Variants in TTC39B observed in about 807,000 individuals in gnomAD.
TTC39B encodes the protein tetratricopeptide repeat domain 39B, also known as tetratricopeptide repeat protein 39B.
Under a neutral mutation model 96.6 loss-of-function variants are expected in TTC39B, and 92 were observed. The observed-to-expected ratio is 0.95, with a 90% CI of 0.80 to 1.13. TTC39B has a LOEUF of 1.13. TTC39B is among the 50% of genes most tolerant of loss of function. The pLI is 0.00. For missense variants in TTC39B, 955 were observed against 809.3 expected, an observed-to-expected ratio of 1.18 and a Z score of -2.18; for synonymous variants, 367 against 299.4, an observed-to-expected ratio of 1.23 and a Z score of -2.33.
chr9:15,231,114 G>A (rs1426710541), intron 2 of TTC39B, among the ~76,000 whole-genome samples: 1 of 152,114 alleles, frequency 6.6e-6, no homozygotes, highest in African/African-American at 2.4e-5. Context: ...GTAACTTTAT[G>A]TTTGACATTT....
At chr9:15,267,045 C>G (rs1297767154) in intron 2 of TTC39B, among the ~76,000 whole-genome samples, 2 of 152,194 alleles carry the variant, frequency 1.3e-5, no homozygotes, top group African/African-American at 4.8e-5. Flanking sequence ...TGCCACTGCA[C>G]TCCAACCTGG....
chr9:15,289,187 G>T (rs187133809), intron 1 of TTC39B, among the ~76,000 whole-genome samples: 1 of 152,266 alleles, frequency 6.6e-6, no homozygotes, highest in East Asian at 1.9e-4. Flanking sequence ...ACATTTACCA[G>T]TGTTGGTATT....
intron 2 of TTC39B, among the ~76,000 whole-genome samples, chr9:15,254,872 CT>C (rs34040951): frequency 0.1 from 14,458 of 141,974 alleles, 1,027 homozygotes; most frequent in African/African-American, 0.21. Flanking sequence ...AACACACACA[CT>C]TTTTTTTTTT....
Position 15,210,075 on chromosome 9 carries a change from A to C in TTC39B, c.691+13T>G. The C allele has an allele frequency of 6.3e-7, 1 of 1,576,680 alleles. No individual in the cohort carries two copies. Among genetic ancestry groups the C allele is most frequent in the Non-Finnish European group, 8.6e-7 (1 of 1,158,642 alleles). On this transcript the variant is annotated intron_variant, in intron 6 of 19. Coordinates refer to ENST00000512701, the Ensembl canonical transcript of TTC39B. Reference sequence around the variant, plus strand: ...AAATCAAGGAAAAAAGTGATCTTTTAAATGACTTTTACCTTCACTCAGTTG... The same window carrying C: ...AAATCAAGGAAAAAAGTGATCTTTTCAATGACTTTTACCTTCACTCAGTTG...
intron 3 of TTC39B, among the ~76,000 whole-genome samples, chr9:15,214,564 G>T (rs533868432): frequency 3.3e-4 from 50 of 152,164 alleles, no homozygotes; most frequent in African/African-American, 1.1e-3. Flanking sequence ...TTGTCTATAG[G>T]CATGTTAATT....
chr9:15,206,663 GC>G (rs1196069375), intron 6 of TTC39B, among the ~76,000 whole-genome samples: 1 of 151,946 alleles, frequency 6.6e-6, no homozygotes, highest in African/African-American at 2.4e-5. Flanking sequence ...AATAAACTTA[GC>G]TAAATAAGCT....
intron 14 of TTC39B, 62 bp from the exon 15 acceptor site, chr9:15,187,097 A>T: frequency 8.0e-7 from 1 of 1,247,970 alleles, no homozygotes; most frequent in Admixed American, 2.4e-5. Flanking sequence ...TCTACCTTTC[A>T]AATCAGGAAT....
chr9:15,304,907 A>G (rs1375159489), intron 1 of TTC39B, among the ~76,000 whole-genome samples: 1 of 152,064 alleles, frequency 6.6e-6, no homozygotes, highest in Non-Finnish European at 1.5e-5. Flanking sequence ...AACAAAGAGA[A>G]GAACCAGGTT....
chr9:15,251,920 C>T (rs1822575085), intron 2 of TTC39B, among the ~76,000 whole-genome samples: 1 of 151,864 alleles, frequency 6.6e-6, no homozygotes, highest in African/African-American at 2.4e-5. Context: ...TGTATGCCTA[C>T]TATGCACCAG....
intron 1 of TTC39B, among the ~76,000 whole-genome samples, chr9:15,290,146 G>C (rs1205159864): frequency 1.3e-5 from 2 of 151,950 alleles, no homozygotes; most frequent in East Asian, 1.9e-4. Context: ...ACTAAAGTGA[G>C]AAAAAAATGG....
exon 20 of TTC39B, chr9:15,169,609 G>A (rs998485107): frequency 1.3e-4 from 20 of 152,156 alleles, no homozygotes; most frequent in African/African-American, 4.8e-4. Flanking sequence ...AATATTAGCT[G>A]ATGCCCAAGA....
intron 2 of TTC39B, among the ~76,000 whole-genome samples, chr9:15,240,483 C>T (rs1199542731): frequency 6.6e-6 from 1 of 151,764 alleles, no homozygotes; most frequent in Non-Finnish European, 1.5e-5. Flanking sequence ...TCTTTAGATT[C>T]TTTGTACTTT....
At chr9:15,305,128 G>A (rs559514789) in intron 1 of TTC39B, among the ~76,000 whole-genome samples, 3 of 152,320 alleles carry the variant, frequency 2.0e-5, no homozygotes, top group Admixed American at 6.5e-5. Context: ...CGAGGTTAGA[G>A]TTCTTCAAGC....
chr9:15,234,041 C>G (rs1279795536), intron 2 of TTC39B, among the ~76,000 whole-genome samples: 13 of 121,000 alleles, frequency 1.1e-4, no homozygotes, highest in African/African-American at 4.2e-4. Context: ...GCCTCTGACC[C>G]GCCGCCCCGT....
At chr9:15,272,611 C>A (rs550561501) in intron 1 of TTC39B, among the ~76,000 whole-genome samples, 21 of 152,290 alleles carry the variant, frequency 1.4e-4, no homozygotes, top group African/African-American at 3.9e-4. Context: ...TTGAACCACA[C>A]CTGGCTCCCA....
chr9:15,225,737 C>T, intron 3 of TTC39B, among the ~76,000 whole-genome samples, 180 bp downstream of exon 3: 1 of 152,360 alleles, frequency 6.6e-6, no homozygotes, highest in East Asian at 1.9e-4. Context: ...CACTGAGTCC[C>T]TGAGCAGCCA....
intron 2 of TTC39B, among the ~76,000 whole-genome samples, chr9:15,256,679 G>A (rs1822762647): frequency 6.6e-6 from 1 of 152,186 alleles, no homozygotes; most frequent in Non-Finnish European, 1.5e-5. Flanking sequence ...CTGAGAAAGT[G>A]GGAGGACACG....
At chr9:15,199,188 C>T (rs1287487384) in intron 8 of TTC39B, among the ~76,000 whole-genome samples, 3 of 152,326 alleles carry the variant, frequency 2.0e-5, no homozygotes, top group South Asian at 2.1e-4. Flanking sequence ...CTCAGCTGAA[C>T]ATTTCCATCT....
At chr9:15,273,020 T>C (rs906619477) in intron 1 of TTC39B, among the ~76,000 whole-genome samples, 1 of 152,206 alleles carries the variant, frequency 6.6e-6, no homozygotes, top group Admixed American at 6.5e-5. Context: ...GAAAGCTGCA[T>C]CACCTACTAA....
Sources: gnomAD v4.1 joint callset for allele counts (sites outside exome capture counted in the v4.1 genomes callset) on GRCh38, gnomAD v4.1.1 for gene constraint, MANE v1.5 for transcripts, NCBI Gene and HGNC (gene_info 2026-07-23, HGNC 2026-07-21) for gene names.